The following GSE1 variants were observed in gnomAD, a reference collection of about 807,000 sequenced individuals.
GSE1 encodes the protein Gse1 coiled-coil protein, also known as genetic suppressor element 1.
A neutral mutation model predicts 112.6 loss-of-function variants in GSE1; 32 were observed. The observed-to-expected ratio is 0.28, with a 90% CI of 0.21 to 0.38. The LOEUF (loss-of-function observed/expected upper bound fraction) is 0.38, where lower values mean the gene tolerates loss of function less well. GSE1 is among the 10% of genes least tolerant of loss of function. The pLI, the probability that GSE1 is intolerant of heterozygous loss-of-function variation, is 1.00. For missense variants in GSE1, 2,348 were observed against 1,699.2 expected (o/e 1.38, Z -6.71); for synonymous variants, 1,115 against 735.6 (o/e 1.52, Z -8.35).
intron 1 of GSE1, among the ~76,000 whole-genome samples, chr16:85,313,812 G>A (rs1015505597): frequency 2.0e-5 from 3 of 152,234 alleles, no homozygotes; most frequent in East Asian, 1.9e-4. Context: ...CCTGGGCTGC[G>A]AGACCCTCGT....
chr16:85,577,056 C>T (rs2046256573), intron 1 of GSE1, among the ~76,000 whole-genome samples: 1 of 152,062 alleles, frequency 6.6e-6, no homozygotes, highest in Admixed American at 6.5e-5. Flanking sequence ...CGGCCAGGGG[C>T]ATCACAGTCA....
chr16:85,371,237 T>C (rs976935497), intron 2 of GSE1, among the ~76,000 whole-genome samples: 1 of 152,126 alleles, frequency 6.6e-6, no homozygotes, highest in African/African-American at 2.4e-5. Flanking sequence ...CAGGCAGTGC[T>C]CATGGACCAG....
intron 1 of GSE1, among the ~76,000 whole-genome samples, chr16:85,265,067 G>A (rs1209835877): frequency 2.0e-5 from 3 of 152,216 alleles, no homozygotes; most frequent in Admixed American, 6.5e-5. Flanking sequence ...TTGTAAGTAC[G>A]CAGTAAACGC....
chr16:85,300,200 C>T (rs932367008), intron 1 of GSE1, among the ~76,000 whole-genome samples: 2 of 152,020 alleles, frequency 1.3e-5, no homozygotes, highest in African/African-American at 4.8e-5. Context: ...TTAGTAGAGA[C>T]GGGGTTTCTC....
chr16:85,497,770 G>C (rs2051228773), intron 2 of GSE1, among the ~76,000 whole-genome samples: 1 of 152,144 alleles, frequency 6.6e-6, no homozygotes, highest in Non-Finnish European at 1.5e-5. Flanking sequence ...TCTGGGACTG[G>C]GGAACCCGGG....
At chr16:85,452,484 T>C (rs2049714165) in intron 2 of GSE1, among the ~76,000 whole-genome samples, 1 of 152,268 alleles carries the variant, frequency 6.6e-6, no homozygotes, top group Non-Finnish European at 1.5e-5. Context: ...GATCTGGGAC[T>C]GTGGCAAGGC....
intron 6 of GSE1, 108 bp from the exon 7 acceptor site, chr16:85,656,235 C>G: frequency 3.6e-6 from 5 of 1,376,306 alleles, no homozygotes; most frequent in Non-Finnish European, 5.0e-6. Flanking sequence ...CGTCACTGTT[C>G]AGATTAGCGC....
At chr16:85,607,387 C>T (rs2047753712), upstream of GSE1, among the ~76,000 whole-genome samples, 1 of 152,220 alleles carries the variant, frequency 6.6e-6, no homozygotes, top group African/African-American at 2.4e-5. Context: ...GCCGCGGTGG[C>T]GGCGTCCCCA....
At chr16:85,427,445 T>C (rs55826471) in intron 2 of GSE1, among the ~76,000 whole-genome samples, 29,816 of 152,130 alleles carry the variant, frequency 0.2, 3,536 homozygotes, top group East Asian at 0.51. Flanking sequence ...AGTTTGAAAC[T>C]AGCCTAGGCA....
intron 2 of GSE1, among the ~76,000 whole-genome samples, chr16:85,408,557 CGGA>C (rs2048383992): frequency 3.6e-5 from 1 of 28,106 alleles, no homozygotes; most frequent in Non-Finnish European, 7.1e-5. Flanking sequence ...CAGGGCCCCC[CGGA>C]TAATCCTCAC....
chr16:85,644,868 TA>T (rs2050726245), intron 2 of GSE1, among the ~76,000 whole-genome samples: 1 of 141,136 alleles, frequency 7.1e-6, no homozygotes, highest in South Asian at 2.3e-4. Context: ...TTTTTTTTTT[TA>T]AACAACGATC....
At chr16:85,397,749 C>CCTGGGGA (rs1267814718) in intron 2 of GSE1, among the ~76,000 whole-genome samples, 15 of 152,212 alleles carry the variant, frequency 9.9e-5, no homozygotes, top group Non-Finnish European at 2.2e-4. Flanking sequence ...GACTGGTGGC[C>CCTGGGGA]CTGGGCTGTG....
chr16:85,399,326 T>C (rs2048038647), intron 2 of GSE1, among the ~76,000 whole-genome samples: 1 of 152,188 alleles, frequency 6.6e-6, no homozygotes, highest in South Asian at 2.1e-4. Flanking sequence ...TGGGGCCCTC[T>C]GCACGTGGAA....
intron 2 of GSE1, among the ~76,000 whole-genome samples, chr16:85,508,075 C>T (rs2051600791): frequency 6.6e-6 from 1 of 152,160 alleles, no homozygotes; most frequent in South Asian, 2.1e-4. Flanking sequence ...TGCTGTGTCG[C>T]TCAGGCTGGG....
intron 1 of GSE1, among the ~76,000 whole-genome samples, chr16:85,258,737 A>C (rs1907347660): frequency 6.6e-6 from 1 of 151,792 alleles, no homozygotes; most frequent in African/African-American, 2.4e-5. Flanking sequence ...GTCACCATGC[A>C]CTCCTCCAGG....
At chr16:85,309,126 A>C (rs976466927) in intron 1 of GSE1, among the ~76,000 whole-genome samples, 1 of 151,718 alleles carries the variant, frequency 6.6e-6, no homozygotes, top group African/African-American at 2.4e-5. Context: ...GCACTAGCGA[A>C]GCTCTCGACC....
intron 2 of GSE1, among the ~76,000 whole-genome samples, chr16:85,400,842 G>T (rs1000261436): frequency 6.6e-6 from 1 of 151,330 alleles, no homozygotes; most frequent in Non-Finnish European, 1.5e-5. Context: ...TGCGTGTGGT[G>T]TGTGTGTCTC....
At chr16:85,670,219 C>T (rs1172386365) in intron 14 of GSE1, among the ~76,000 whole-genome samples, 1 of 152,186 alleles carries the variant, frequency 6.6e-6, no homozygotes, top group African/African-American at 2.4e-5. Context: ...GATGATCAAA[C>T]CTGCAAATAC....
chr16:85,517,460 G>C (rs28634106), intron 2 of GSE1, among the ~76,000 whole-genome samples: 48,069 of 152,084 alleles, frequency 0.32, 9,409 homozygotes, highest in African/African-American at 0.56. Flanking sequence ...CCGTATGTGT[G>C]ATCTTGTGAT....
Sources: gnomAD v4.1 joint callset for allele counts (sites outside exome capture counted in the v4.1 genomes callset) on GRCh38, gnomAD v4.1.1 for gene constraint, MANE v1.5 for transcripts, NCBI Gene and HGNC (gene_info 2026-07-23, HGNC 2026-07-21) for gene names.